Variants in ABCB8 observed in about 807,000 individuals in gnomAD.
ABCB8 encodes the protein ATP binding cassette subfamily B member 8, also known as mitochondrial potassium channel ATP-binding subunit.
ABCB8 carries 52 observed loss-of-function variants against 73.0 expected under a neutral mutation model. The observed-to-expected ratio is 0.71, with a 90% CI of 0.57 to 0.90. The LOEUF is 0.90. Among genes scored for constraint, ABCB8 ranks in the 40% least tolerant of loss-of-function variants. The pLI, the probability that ABCB8 is intolerant of heterozygous loss-of-function variation, is 0.00. For synonymous variants in ABCB8, 428 were observed against 423.5 expected (o/e 1.01, Z -0.13); for missense variants, 909 against 974.6 (o/e 0.93, Z 0.90).
chr7:151,034,774 G>A lies in ABCB8; in HGVS notation c.710G>A (p.Arg237His), dbSNP rs749942208. 18 of 1,613,974 alleles carry A rather than the reference G, an allele frequency of 1.1e-5. No individual in the cohort carries two copies. Among genetic ancestry groups the A allele is most frequent in the South Asian group, 8.8e-5 (8 of 91,092 alleles). ...AATAAGACAGGGCAGCTGGTGAGCC[G>A]CTTGACAACTGACGTGCAGGAGTTT... ...DANKTGQLVS[R>H]LTTDVQEFKS... The change falls in exon 5 of 16, where the codon CGC becomes CAC. Residue 237 changes from arginine to histidine, a missense_variant. By Grantham distance (29) the Arg-to-His change is conservative (BLOSUM62 0). Coordinates refer to ENST00000358849, the MANE Select transcript of ABCB8 (RefSeq NM_007188.5).
In ABCB8 at chr7:151,046,143, G is replaced by C. The variant is rs1486159342; in HGVS notation, c.*794G>C. 1 of 151,856 alleles carries C rather than the reference G, an allele frequency of 6.6e-6. No individual in the cohort carries two copies. The highest frequency in any genetic ancestry group is 1.5e-5 in the Non-Finnish European group (1 of 67,958). The allele number at this position is 151,856 out of a possible 1,614,324, so 9.4% of individuals were successfully genotyped here. A position where few individuals can be genotyped will look rare whatever the true frequency, so the allele number is the denominator to read the frequency against. ...GTGCCTGGCGTCTTTCACCCACTGA[G>C]ATTGTGAACCAGCCTCCATCTACAC... On this transcript the variant is annotated 3_prime_UTR_variant, in exon 16 of 16. Coordinates refer to ENST00000358849, the MANE Select transcript of ABCB8 (RefSeq NM_007188.5).
chr7:151,041,979 A>T lies in ABCB8; in HGVS notation c.1636A>T (p.Thr546Ser). 6.2e-7 allele frequency: 1 copy of T among 1,612,754 alleles called. No homozygotes were observed. The highest frequency in any genetic ancestry group is 8.5e-7 in the Non-Finnish European group (1 of 1,179,974). ...FISQEPVLFGTTIMENIRFGK... is the reference protein window; with the variant it reads ...FISQEPVLFGSTIMENIRFGK... Reference sequence around the variant, plus strand: ...CCCACAGGAGCCCGTCCTGTTTGGGACGACCATCATGGAAAACATCCGCTT... The same window carrying T: ...CCCACAGGAGCCCGTCCTGTTTGGGTCGACCATCATGGAAAACATCCGCTT... The change falls in exon 14 of 16, where the codon ACG becomes TCG. Residue 546 changes from threonine to serine, a missense_variant. Coordinates refer to ENST00000358849, the MANE Select transcript of ABCB8 (RefSeq NM_007188.5).
chr7:151,045,671 C>G lies in ABCB8; in HGVS notation c.*322C>G, dbSNP rs554422408. ...AGACCCCTCCAGACCTCTCAAGAGA[C>G]GTTCTGGCCAGTCTCCCTGCCCCAC... On this transcript the variant is annotated 3_prime_UTR_variant, in exon 16 of 16. Transcript: ENST00000358849. 3.7e-6 allele frequency: 1 copy of G among 270,964 alleles called. No individual in the cohort carries two copies. The highest frequency in any genetic ancestry group is 6.4e-5 in the East Asian group (1 of 15,574). 16.8% of individuals were successfully genotyped at this position (270,964 alleles called of 1,614,324 possible).
chr7:151,040,224 T>C, intron 9 of ABCB8, 44 bp from the exon 10 acceptor site: 1 of 1,603,930 alleles, frequency 6.2e-7, no homozygotes, highest in East Asian at 2.2e-5. Flanking sequence ...CCTCTGGCTC[T>C]TCTTGTTCCC....
chr7:151,039,891 G>C, intron 9 of ABCB8: 1 of 201,934 alleles, frequency 5.0e-6, no homozygotes, highest in Admixed American at 6.1e-5. Context: ...GGTCAGCTGG[G>C]CTCCCTTCCT....
In ABCB8 at chr7:151,036,073, G is replaced by T. The variant is rs371323931; in HGVS notation, c.1014G>T (p.Glu338Asp). The T allele has an allele frequency of 6.2e-7, 1 of 1,612,986 alleles. No individual in the cohort carries two copies. Among genetic ancestry groups the T allele is most frequent in the African/African-American group, 1.3e-5 (1 of 74,938 alleles). The change falls in exon 8 of 16, where the codon GAG becomes GAT. Residue 338 changes from glutamate to aspartate, a missense_variant and splice_region_variant. Physicochemically the swap from Glu to Asp is conservative, Grantham distance 45 (BLOSUM62 2). Transcript: ENST00000358849. Reference protein sequence around the residue: ...RAFAMEQREEERYGAELEACR... With the variant: ...RAFAMEQREEDRYGAELEACR... ...TGAATGCACTGGTCTCTCTCACCAG[G>T]CGCTATGGGGCAGAGCTGGAAGCCT... is the stretch of plus-strand genomic sequence containing the variant.
chr7:151,033,912 G>A lies in ABCB8; in HGVS notation c.403G>A (p.Val135Ile), dbSNP rs4148844. The A allele has an allele frequency of 0.049, 78,582 of 1,589,252 alleles. 2,107 individuals are homozygous for A. Among genetic ancestry groups the A allele is most frequent in the East Asian group, 0.08 (3,552 of 44,550 alleles). The change falls in exon 2 of 16, where the codon GTC (valine) becomes ATC (isoleucine). Residue 135 changes from valine to isoleucine, a missense_variant. Transcript: ENST00000358849. ...HPHLLVLGVA[V>I]VLALGAALVN... is the part of the protein sequence containing the mutation. ...CCACCTGCTGGTCCTGGGGGTAGCC[G>A]TCGTGGTGAGGCTTTCCCCACTTCT...
intron 15 of ABCB8, among the ~76,000 whole-genome samples, 184 bp from the exon 16 acceptor site, chr7:151,045,025 T>A (rs555754150): frequency 2.2e-4 from 33 of 152,340 alleles, no homozygotes; most frequent in African/African-American, 7.9e-4. Context: ...GAAGTGGCAG[T>A]AACTAATGCA....
At chr7:151,045,166 C>T in intron 15 of ABCB8, 43 bp from the exon 16 acceptor site, 4 of 1,495,812 alleles carry the variant, frequency 2.7e-6, no homozygotes, top group Non-Finnish European at 2.7e-6. Context: ...CTGAAGCCTG[C>T]ATGCCTTGGA....
chr7:151,029,143 A>G (rs1796068470), intron 1 of ABCB8: 2 of 433,826 alleles, frequency 4.6e-6, no homozygotes, highest in African/African-American at 4.3e-5. Flanking sequence ...CTACTAAAAA[A>G]TACAAAAATT....
At chr7:151,041,858 A>T in intron 13 of ABCB8, 103 bp from the exon 14 acceptor site, 1 of 1,369,600 alleles carries the variant, frequency 7.3e-7, no homozygotes, top group Non-Finnish European at 1.0e-6. Context: ...ATCCTAATCT[A>T]ATCCACCAGA....
chr7:151,043,961 C>T lies in ABCB8; in HGVS notation c.1766-10C>T. The T allele has an allele frequency of 6.2e-7, 1 of 1,606,266 alleles. No individual in the cohort carries two copies. Among genetic ancestry groups the T allele is most frequent in the Non-Finnish European group, 8.5e-7 (1 of 1,174,514 alleles). On this transcript the variant is annotated splice_polypyrimidine_tract_variant and intron_variant, in intron 14 of 15. Transcript: ENST00000358849. ...AGCTTCAGGCTCCTGCCCTGCCCCT[C>T]CCTTCCCAGGTGAACGGGGCACTAC...
chr7:151,029,327 T>G (rs1253815586), intron 1 of ABCB8, among the ~76,000 whole-genome samples: 2 of 150,552 alleles, frequency 1.3e-5, no homozygotes, highest in Non-Finnish European at 3.0e-5. Context: ...AGAGTCAATC[T>G]AGTAACTTGT....
At chr7:151,033,536 C>G (rs567535168) in intron 1 of ABCB8, 69 bp from the exon 2 acceptor site, 2 of 1,510,864 alleles carry the variant, frequency 1.3e-6, no homozygotes, top group African/African-American at 2.8e-5. Flanking sequence ...AGCCAGAGCC[C>G]CATGGGTGTG....
Position 151,045,575 on chromosome 7 carries a change from CAG to C in ABCB8, c.*229_*230del, listed in dbSNP as rs1796593100. On this transcript the variant is annotated 3_prime_UTR_variant, in exon 16 of 16. Transcript: ENST00000358849. ...CTGCCTCCCTCCCACCAGAGTCTGCCAGAGTCATTGGGCTGCAATGGGCAGAG... is the reference window on the plus strand; with the variant it reads ...CTGCCTCCCTCCCACCAGAGTCTGCCAGTCATTGGGCTGCAATGGGCAGAG... The C allele has an allele frequency of 6.2e-6, 3 of 484,294 alleles. No individual in the cohort carries two copies. The highest frequency in any genetic ancestry group is 1.0e-5 in the Non-Finnish European group (3 of 287,694). 30.0% of individuals were successfully genotyped at this position (484,294 alleles called of 1,614,324 possible). A position where few individuals can be genotyped will look rare whatever the true frequency, so the allele number is the denominator to read the frequency against.
chr7:151,041,837 T>A, intron 13 of ABCB8, 124 bp from the exon 14 acceptor site: 1 of 1,242,836 alleles, frequency 8.0e-7, no homozygotes, highest in Non-Finnish European at 1.1e-6. Flanking sequence ...GAACGTCTGA[T>A]TCTTCAAGAG....
At chr7:151,031,529 A>G in intron 1 of ABCB8, 1 of 455,590 alleles carries the variant, frequency 2.2e-6, no homozygotes, top group Non-Finnish European at 3.9e-6. Flanking sequence ...CCCATCAGTA[A>G]GCTTATCTAG....
chr7:151,041,052 A>G, intron 12 of ABCB8, 47 bp from the exon 13 acceptor site: 1 of 1,613,198 alleles, frequency 6.2e-7, no homozygotes, highest in Non-Finnish European at 8.5e-7. Flanking sequence ...TTCCTGGGAC[A>G]ATCCCTAGAA....
chr7:151,034,355 G>T lies in ABCB8; in HGVS notation c.491G>T (p.Arg164Met), dbSNP rs778688653. The T allele has an allele frequency of 3.1e-6, 5 of 1,613,920 alleles. No individual in the cohort carries two copies. The highest frequency in any genetic ancestry group is 1.6e-4 in the Middle Eastern group (1 of 6,062). Reference sequence around the variant, plus strand: ...GTAGAGGTCGTGGCCAAGTACACAAGGGACCACGTAGGGAGTTTCATGACT... The same window carrying T: ...GTAGAGGTCGTGGCCAAGTACACAATGGACCACGTAGGGAGTTTCATGACT... ...QLVEVVAKYT[R>M]DHVGSFMTES... is the part of the protein sequence containing the mutation. The change falls in exon 3 of 16, where the codon AGG becomes ATG. Residue 164 changes from arginine to methionine, a missense_variant. Physicochemically the swap from Arg to Met is moderately conservative, Grantham distance 91 (BLOSUM62 -1). Transcript: ENST00000358849.
Sources: allele counts gnomAD v4.1 joint callset (sites outside exome capture counted in the v4.1 genomes callset), GRCh38; gene constraint gnomAD v4.1.1; transcripts MANE v1.5; gene names NCBI Gene and HGNC (gene_info 2026-07-23, HGNC 2026-07-21).